The following SSX2IP variants were observed in gnomAD, a reference collection of about 807,000 sequenced individuals.
SSX2IP encodes afadin- and alpha-actinin-binding protein.
In SSX2IP, 55 loss-of-function variants were observed where a neutral mutation model predicts 84.9. The ratio of observed to expected loss-of-function variants is 0.65; its 90% CI spans 0.52 to 0.81. The LOEUF is 0.81. SSX2IP is among the 30% of genes least tolerant of loss of function. SSX2IP has a pLI of 0.00. For missense variants in SSX2IP, 664 were observed against 705.2 expected (o/e 0.94, Z 0.66); for synonymous variants, 239 against 234.7 (o/e 1.02, Z -0.17).
At chr1:84,685,797 C>G (rs1655701131) in intron 1 of SSX2IP, among the ~76,000 whole-genome samples, 1 of 152,100 alleles carries the variant, frequency 6.6e-6, no homozygotes, top group African/African-American at 2.4e-5. Context: ...CTTTTATAGT[C>G]TAGATCCTAT....
At chr1:84,680,917 GTGA>G (rs1253735432) in intron 1 of SSX2IP, among the ~76,000 whole-genome samples, 2 of 152,094 alleles carry the variant, frequency 1.3e-5, no homozygotes, top group African/African-American at 2.4e-5. Context: ...GGCAATTATG[GTGA>G]TGATAAGCAC....
chr1:84,684,527 G>A (rs1655524457), intron 1 of SSX2IP, among the ~76,000 whole-genome samples: 1 of 152,062 alleles, frequency 6.6e-6, no homozygotes. Context: ...AGGATGGGGG[G>A]AAACTCTGAA....
chr1:84,656,097 AGG>A, intron 10 of SSX2IP, 92 bp from the exon 11 acceptor site: 4 of 1,194,032 alleles, frequency 3.3e-6, no homozygotes, highest in Non-Finnish European at 4.7e-6. Flanking sequence ...GTCAAACTTC[AGG>A]GCAGGAATAG....
At chr1:84,678,308 G>A (rs748375036) in intron 1 of SSX2IP, among the ~76,000 whole-genome samples, 1 of 152,230 alleles carries the variant, frequency 6.6e-6, no homozygotes, top group Non-Finnish European at 1.5e-5. Flanking sequence ...AATATGAACC[G>A]AGTCCCACTT....
chr1:84,651,228 G>T (rs1373637577), intron 12 of SSX2IP, among the ~76,000 whole-genome samples: 1 of 151,612 alleles, frequency 6.6e-6, no homozygotes, highest in African/African-American at 2.4e-5. Context: ...GAGGCAAGGA[G>T]GATTGCCTGA....
intron 9 of SSX2IP, among the ~76,000 whole-genome samples, chr1:84,657,940 C>T (rs189146439): frequency 6.6e-6 from 1 of 152,154 alleles, no homozygotes; most frequent in African/African-American, 2.4e-5. Context: ...TCAAGATAAG[C>T]CTGGCCAACA....
chr1:84,652,038 C>A (rs927950643), intron 11 of SSX2IP, 41 bp from the exon 12 acceptor site: 5 of 1,426,214 alleles, frequency 3.5e-6, no homozygotes, highest in Non-Finnish European at 4.9e-6. Flanking sequence ...AATATTTCAA[C>A]ATCCACACAG....
rs140118316 is a variant in SSX2IP, at chr1:84,670,796, T to C, written c.63A>G (p.Gln21=). ...GAGACATCTTTGTTTCTGAGGTATA[T>C]TGAGAGATAGTTTTGCTTTCTGAAA... ...GLSSESKTIS[Q]YTSETKMSPS... The change falls in exon 3 of 14, where the codon CAA becomes CAG. Residue 21 remains glutamine, a synonymous_variant. Transcript: ENST00000342203. The C allele has an allele frequency of 6.7e-5, 107 of 1,608,602 alleles. No homozygotes were observed. The highest frequency in any genetic ancestry group is 2.4e-4 in the South Asian group (21 of 89,326).
chr1:84,654,712 A>G lies in SSX2IP; in HGVS notation c.1389+1120T>C, dbSNP rs570604625. On this transcript the variant is annotated intron_variant, in intron 11 of 13. Transcript: ENST00000342203. The stretch of plus-strand genomic sequence containing the variant: ...TAATACAGAATATTTTCTGTGTCCA[A>G]ACATATTTGGTTATAGAATAACATT... Among the ~76,000 whole-genome samples, 33 of 152,268 alleles carry G rather than the reference A, an allele frequency of 2.2e-4. No individual in the cohort carries two copies. The South Asian group carries it at 5.0e-3, about 23-fold the overall frequency.
intron 11 of SSX2IP, among the ~76,000 whole-genome samples, chr1:84,653,219 T>C (rs1275814163): frequency 2.6e-5 from 4 of 152,152 alleles, no homozygotes; most frequent in Non-Finnish European, 5.9e-5. Flanking sequence ...TACAAAACAT[T>C]ATAAAGTTAC....
intron 1 of SSX2IP, among the ~76,000 whole-genome samples, chr1:84,686,351 G>A (rs544481210): frequency 2.6e-5 from 4 of 152,258 alleles, no homozygotes; most frequent in Admixed American, 2.0e-4. Context: ...TCAGGACATG[G>A]TGACAAGTAC....
Position 84,648,144 on chromosome 1 carries a change from T to G in SSX2IP, c.1671-537A>C, listed in dbSNP as rs1359985502. On this transcript the variant is annotated intron_variant, in intron 13 of 13. Coordinates refer to ENST00000342203, the MANE Select transcript of SSX2IP (RefSeq NM_001166293.2). ...TGTTGTAGAAATTAGCTACAAATACTCCTAATTATTTTGTTGCAATATTAA... is the reference window on the plus strand; with the variant it reads ...TGTTGTAGAAATTAGCTACAAATACGCCTAATTATTTTGTTGCAATATTAA... Among the ~76,000 whole-genome samples the G allele has an allele frequency of 2.0e-5, 3 of 152,108 alleles. No individual in the cohort carries two copies. The East Asian group carries it at 5.8e-4, about 29-fold the overall frequency.
At chr1:84,666,006 GA>G (rs1652732482) in intron 5 of SSX2IP, 115 bp downstream of exon 5, 1 of 758,830 alleles carries the variant, frequency 1.3e-6, no homozygotes, top group Non-Finnish European at 2.1e-6. Flanking sequence ...TCAATTTGGG[GA>G]AAGATGAATA....
intron 1 of SSX2IP, among the ~76,000 whole-genome samples, chr1:84,689,066 C>A (rs1557541917): frequency 1.3e-5 from 2 of 152,182 alleles, no homozygotes; most frequent in Admixed American, 1.3e-4. Context: ...GAATGAATAA[C>A]CTAAGCTTCC....
At chr1:84,653,120 TAAAC>T (rs1650558750) in intron 11 of SSX2IP, among the ~76,000 whole-genome samples, 1 of 152,258 alleles carries the variant, frequency 6.6e-6, no homozygotes, top group Non-Finnish European at 1.5e-5. Flanking sequence ...TTTCACCTAA[TAAAC>T]CAACCATCAC....
intron 2 of SSX2IP, among the ~76,000 whole-genome samples, 173 bp downstream of exon 2, chr1:84,671,004 C>T (rs1442802872): frequency 6.6e-6 from 1 of 151,234 alleles, no homozygotes; most frequent in Admixed American, 6.6e-5. Context: ...CTTTTTTTTC[C>T]AAAAAGATAC....
chr1:84,682,889 T>C (rs1655276927), intron 1 of SSX2IP, among the ~76,000 whole-genome samples: 1 of 152,182 alleles, frequency 6.6e-6, no homozygotes, highest in South Asian at 2.1e-4. Flanking sequence ...TTAATAACAA[T>C]AAAATAATTT....
intron 1 of SSX2IP, among the ~76,000 whole-genome samples, chr1:84,685,849 A>G (rs1387380400): frequency 2.0e-5 from 3 of 151,772 alleles, no homozygotes; most frequent in East Asian, 1.9e-4. Context: ...AATAGAAAAT[A>G]AAATCGAAGG....
intron 1 of SSX2IP, among the ~76,000 whole-genome samples, chr1:84,687,173 A>G (rs777539839): frequency 1.3e-5 from 2 of 152,222 alleles, no homozygotes; most frequent in Non-Finnish European, 2.9e-5. Flanking sequence ...TGCGACAACC[A>G]GGGCACAAGA....
Sources: allele counts gnomAD v4.1 joint callset (sites outside exome capture counted in the v4.1 genomes callset), GRCh38; gene constraint gnomAD v4.1.1; transcripts MANE v1.5; gene names NCBI Gene and HGNC (gene_info 2026-07-23, HGNC 2026-07-21).